Variants in POLR2M observed in about 807,000 individuals in gnomAD.
The protein encoded by POLR2M is protein GRINL1A.
POLR2M carries 30 observed loss-of-function variants against 34.6 expected under a neutral mutation model. The ratio of observed to expected loss-of-function variants is 0.87; its 90% confidence interval spans 0.65 to 1.18. POLR2M has a LOEUF of 1.18. Among genes scored for constraint, POLR2M ranks in the 50% most tolerant of loss-of-function variants. POLR2M has a pLI of 0.00. For synonymous variants in POLR2M, 150 were observed against 166.7 expected (o/e 0.90, Z 0.77); for missense variants, 432 against 448.7 (o/e 0.96, Z 0.34).
chr15:57,707,176 G>C, intron 1 of POLR2M: 1 of 1,488,122 alleles, frequency 6.7e-7, no homozygotes, highest in Non-Finnish European at 9.0e-7. Context: ...CGGATTGAAC[G>C]GCTACCTGGC....
intron 1 of POLR2M, among the ~76,000 whole-genome samples, chr15:57,708,032 C>A (rs1374031683): frequency 1.3e-5 from 2 of 152,174 alleles, no homozygotes; most frequent in African/African-American, 4.8e-5. Flanking sequence ...TGGTTGGGAT[C>A]AAGACATGTG....
chr15:57,708,641 C>G, intron 1 of POLR2M, 73 bp from the exon 2 acceptor site: 1 of 1,349,324 alleles, frequency 7.4e-7, no homozygotes, highest in Non-Finnish European at 1.0e-6. Flanking sequence ...AAGATAATGC[C>G]TTGCCTTTTT....
At position 57,716,145 on chromosome 15, in the gene POLR2M, C is replaced by T. The variant is rs2040933438; in HGVS notation, c.*1466C>T. The T allele has an allele frequency of 6.6e-6, 1 of 152,200 alleles. No individual in the cohort carries two copies. The highest frequency in any genetic ancestry group is 2.4e-5 in the African/African-American group (1 of 41,450). The allele number at this position is 152,200 out of a possible 1,614,324, so 9.4% of individuals were successfully genotyped here. ...TTGTGTTTTTGCTTATTTTTCTATG[C>T]ATAGTTATGCATTTATATTCTCAAA... On this transcript the variant is annotated 3_prime_UTR_variant, in exon 4 of 4. Transcript: ENST00000299638.
chr15:57,714,495 A>T (rs774154477), intron 3 of POLR2M, 41 bp from the exon 4 acceptor site: 2 of 1,608,794 alleles, frequency 1.2e-6, no homozygotes, highest in East Asian at 4.5e-5. Flanking sequence ...TAAGGAAGAG[A>T]TGTGAACGTG....
chr15:57,708,854 G>A lies in POLR2M; in HGVS notation c.254G>A (p.Arg85Lys). ...CCTGTTAGTTTAGACTGTAAGCTAAGGCAAAAAGCAATTGCAGAAGTTGAT... is the reference window on the plus strand; with the variant it reads ...CCTGTTAGTTTAGACTGTAAGCTAAAGCAAAAAGCAATTGCAGAAGTTGAT... ...FNPVSLDCKL[R>K]QKAIAEVDVG... Residue 85 changes from arginine to lysine, a missense_variant, in exon 2 of 4, where the codon AGG becomes AAG. By Grantham distance (26) the Arg-to-Lys change is conservative (BLOSUM62 2). Coordinates refer to ENST00000299638, the MANE Select transcript of POLR2M (RefSeq NM_015532.5). The A allele has an allele frequency of 1.9e-6, 3 of 1,614,010 alleles. No individual in the cohort carries two copies. Among genetic ancestry groups the A allele is most frequent in the Non-Finnish European group, 2.5e-6 (3 of 1,179,870 alleles).
chr15:57,713,875 TCTGTCACCCAGG>T (rs1468346657), intron 3 of POLR2M, among the ~76,000 whole-genome samples: 4 of 122,130 alleles, frequency 3.3e-5, no homozygotes, highest in Non-Finnish European at 6.5e-5. Context: ...GGAGTCTTGT[TCTGTCACCCAGG>T]CTGGAGTTCA....
chr15:57,712,110 A>G lies in POLR2M; in HGVS notation c.885A>G (p.Pro295=). Residue 295 remains proline (P), a synonymous_variant, in exon 3 of 4, where the codon CCA becomes CCG. Coordinates refer to ENST00000299638, the MANE Select transcript of POLR2M (RefSeq NM_015532.5). ...ACATCACAGCAGCTCGGCTTCTACCACTTCACCATATGCCCACGCAGCTGC... is the reference window on the plus strand; with the variant it reads ...ACATCACAGCAGCTCGGCTTCTACCGCTTCACCATATGCCCACGCAGCTGC... The part of the protein sequence containing the change: ...LDDITAARLL[P]LHHMPTQLLS... 1 of 1,614,110 alleles carries G rather than the reference A, an allele frequency of 6.2e-7. No individual in the cohort carries two copies. The highest frequency in any genetic ancestry group is 8.5e-7 in the Non-Finnish European group (1 of 1,180,020).
chr15:57,711,220 A>G (rs543016556), intron 2 of POLR2M, among the ~76,000 whole-genome samples: 9 of 151,942 alleles, frequency 5.9e-5, no homozygotes, highest in African/African-American at 1.7e-4. Context: ...TATTTCTTTG[A>G]TCTTCATCTC....
In POLR2M at chr15:57,712,153, T is replaced by G. The variant is rs1473362678; in HGVS notation, c.928T>G (p.Leu310Val). Residue 310 changes from leucine (L) to valine (V), a missense_variant, in exon 3 of 4, where the codon TTG becomes GTG. By Grantham distance (32) the Leu-to-Val change is conservative. Coordinates refer to ENST00000299638, the MANE Select transcript of POLR2M (RefSeq NM_015532.5). Reference protein sequence around the residue: ...PTQLLSIEESLALQKQQKQNY... With the variant: ...PTQLLSIEESVALQKQQKQNY... Reference sequence around the variant, plus strand: ...GCAGCTGCTCTCCATAGAAGAATCCTTGGCACTTCAGAAACAGCAGAAACA... The same window carrying G: ...GCAGCTGCTCTCCATAGAAGAATCCGTGGCACTTCAGAAACAGCAGAAACA... 5 of 1,614,078 alleles carry G rather than the reference T, an allele frequency of 3.1e-6. No homozygotes were observed. The African/African-American group carries it at 6.7e-5, about 22-fold the overall frequency.
chr15:57,706,801 A>C lies in POLR2M; in HGVS notation c.-42A>C, dbSNP rs1257160995. The stretch of plus-strand genomic sequence containing the variant: ...GCGCTAGTAGCGGGGCCTGCCGAGG[A>C]AGCCGAGTGCCCGCCGCCGCGCCAG... On this transcript the variant is annotated 5_prime_UTR_variant, in exon 1 of 4. Coordinates refer to ENST00000299638, the MANE Select transcript of POLR2M (RefSeq NM_015532.5). 6.5e-7 allele frequency: 1 copy of C among 1,539,712 alleles called. No homozygotes were observed. The highest frequency in any genetic ancestry group is 2.5e-5 in the East Asian group (1 of 40,472).
chr15:57,714,546 C>T lies in POLR2M; in HGVS notation c.974C>T (p.Ala325Val). 1 of 1,613,406 alleles carries T rather than the reference C, an allele frequency of 6.2e-7. No individual in the cohort carries two copies. The highest frequency in any genetic ancestry group is 8.5e-7 in the Non-Finnish European group (1 of 1,179,726). Residue 325 changes from alanine (A) to valine (V), a missense_variant, in exon 4 of 4, where the codon GCA (alanine) becomes GTA (valine). Transcript: ENST00000299638. ...QQKQNYEEMQAKLAAQKLAER... is the reference protein window; with the variant it reads ...QQKQNYEEMQVKLAAQKLAER... ...CTCTTTGTTTTAAAGGAGATGCAAG[C>T]AAAGCTCGCAGCGCAAAAATTAGCT...
chr15:57,706,867 G>C lies in POLR2M; in HGVS notation c.25G>C (p.Glu9Gln), dbSNP rs1248455511. ...AATGTGCTCGCTGCCCCGCGGCTTC[G>C]AGCCCCAAGCTCCCGAGGACTTGGC... is the stretch of plus-strand genomic sequence containing the variant. MCSLPRGF[E>Q]PQAPEDLAQR... is the part of the protein sequence containing the mutation. The change falls in exon 1 of 4, where the codon GAG (glutamate) becomes CAG (glutamine). Residue 9 changes from glutamate to glutamine, a missense_variant. Transcript: ENST00000299638. The C allele has an allele frequency of 3.2e-6, 5 of 1,583,208 alleles. No homozygotes were observed. The highest frequency in any genetic ancestry group is 4.3e-6 in the Non-Finnish European group (5 of 1,164,148).
chr15:57,709,428 C>T, intron 2 of POLR2M, 70 bp downstream of exon 2: 2 of 1,528,930 alleles, frequency 1.3e-6, no homozygotes, highest in Non-Finnish European at 1.8e-6. Flanking sequence ...TTACGAGAAA[C>T]TGGGTGTGGT....
chr15:57,709,183 A>G lies in POLR2M; in HGVS notation c.583A>G (p.Arg195Gly), dbSNP rs2040612571. Residue 195 changes from arginine to glycine, a missense_variant, in exon 2 of 4, where the codon AGG (arginine) becomes GGG (glycine). Transcript: ENST00000299638. The stretch of plus-strand genomic sequence containing the variant: ...CAGCTTTGACAACCTGTTTATTGAC[A>G]GGTTACAGAGGATCACCATTGCGGA... Reference protein sequence around the residue: ...SSSFDNLFIDRLQRITIADQG... With the variant: ...SSSFDNLFIDGLQRITIADQG... 1.2e-6 allele frequency: 2 copies of G among 1,614,220 alleles called. No individual in the cohort carries two copies. Among genetic ancestry groups the G allele is most frequent in the Non-Finnish European group, 1.7e-6 (2 of 1,180,040 alleles).
chr15:57,711,980 T>G lies in POLR2M; in HGVS notation c.759-4T>G. 1.2e-6 allele frequency: 2 copies of G among 1,613,976 alleles called. No individual in the cohort carries two copies. Among genetic ancestry groups the G allele is most frequent in the Non-Finnish European group, 1.7e-6 (2 of 1,179,860 alleles). ...TTGTATAACACAAGTTTTCCTTTCATCAGGTTACCTTTTCGACAAAATGAT... is the reference window on the plus strand; with the variant it reads ...TTGTATAACACAAGTTTTCCTTTCAGCAGGTTACCTTTTCGACAAAATGAT... On this transcript the variant is annotated splice_polypyrimidine_tract_variant and splice_region_variant and intron_variant, in intron 2 of 3. Transcript: ENST00000299638.
chr15:57,706,829 T>G lies in POLR2M; in HGVS notation c.-14T>G, dbSNP rs773567965. 2.4e-5 allele frequency: 37 copies of G among 1,553,632 alleles called. No individual in the cohort carries two copies. Among genetic ancestry groups the G allele is most frequent in the Non-Finnish European group, 3.2e-5 (37 of 1,147,458 alleles). On this transcript the variant is annotated 5_prime_UTR_variant, in exon 1 of 4. Coordinates refer to ENST00000299638, the MANE Select transcript of POLR2M (RefSeq NM_015532.5). Reference sequence around the variant, plus strand: ...CCGAGTGCCCGCCGCCGCGCCAGCCTCAGCCCGCGCAGAATGTGCTCGCTG... The same window carrying G: ...CCGAGTGCCCGCCGCCGCGCCAGCCGCAGCCCGCGCAGAATGTGCTCGCTG...
In POLR2M at chr15:57,714,884, C is replaced by A. The variant is rs1396205507; in HGVS notation, c.*205C>A. ...TTAATATTTGAATATTGTGTTTAACCACATGGTATTAAAATTTTGCAATAT... is the reference window on the plus strand; with the variant it reads ...TTAATATTTGAATATTGTGTTTAACAACATGGTATTAAAATTTTGCAATAT... On this transcript the variant is annotated 3_prime_UTR_variant, in exon 4 of 4. Coordinates refer to ENST00000299638, the MANE Select transcript of POLR2M (RefSeq NM_015532.5). The A allele has an allele frequency of 6.4e-6, 5 of 785,426 alleles. No homozygotes were observed. In the East Asian group the frequency reaches 1.2e-4, roughly 18 times the overall value. The allele number at this position is 785,426 out of a possible 1,614,324, so 48.7% of individuals were successfully genotyped here. A position where few individuals can be genotyped will look rare whatever the true frequency, so the allele number is the denominator to read the frequency against.
At position 57,715,647 on chromosome 15, in the gene POLR2M, T is replaced by C. The variant is rs1284950359; in HGVS notation, c.*968T>C. On this transcript the variant is annotated 3_prime_UTR_variant, in exon 4 of 4. Coordinates refer to ENST00000299638, the MANE Select transcript of POLR2M (RefSeq NM_015532.5). ...TTTTTTCCCCCCAAATAGGTATATA[T>C]AGACTGCAGAAGCTTCAGTCCCATA... 2.1e-5 allele frequency: 3 copies of C among 140,224 alleles called. No individual in the cohort carries two copies. In the Admixed American group the frequency reaches 2.2e-4, roughly 10 times the overall value. 8.7% of individuals were successfully genotyped at this position (140,224 alleles called of 1,614,324 possible).
intron 3 of POLR2M, among the ~76,000 whole-genome samples, chr15:57,713,209 C>A (rs76601250): frequency 9.3e-5 from 10 of 107,256 alleles, no homozygotes; most frequent in South Asian, 8.7e-4. Flanking sequence ...AAAAAAAAAA[C>A]AACAAAACAG....
Sources: gnomAD v4.1 joint callset for allele counts (sites outside exome capture counted in the v4.1 genomes callset) on GRCh38, gnomAD v4.1.1 for gene constraint, MANE v1.5 for transcripts, NCBI Gene and HGNC (gene_info 2026-07-23, HGNC 2026-07-21) for gene names.